Variants in SPOCK3 observed in about 807,000 individuals in gnomAD.
SPOCK3 encodes testican-3.
Under a neutral mutation model 56.6 loss-of-function variants are expected in SPOCK3, and 30 were observed. The observed-to-expected ratio is 0.53, with a 90% CI of 0.40 to 0.72. SPOCK3 has a LOEUF of 0.72. Among genes scored for constraint, SPOCK3 ranks in the 30% least tolerant of loss-of-function variants. SPOCK3 has a pLI of 0.00. For missense variants in SPOCK3, 527 were observed against 530.0 expected (o/e 0.99, Z 0.06); for synonymous variants, 196 against 183.3 (o/e 1.07, Z -0.56).
chr4:166,885,954 T>A (rs1234627510), intron 6 of SPOCK3, among the ~76,000 whole-genome samples: 3 of 152,280 alleles, frequency 2.0e-5, no homozygotes, highest in African/African-American at 7.2e-5. Context: ...TGTGCTTATG[T>A]ACCATTGTTG....
chr4:166,829,851 GATT>G (rs1745854461), intron 6 of SPOCK3, among the ~76,000 whole-genome samples: 1 of 152,006 alleles, frequency 6.6e-6, no homozygotes, highest in Admixed American at 6.6e-5. Flanking sequence ...AAGGCACACA[GATT>G]ATTATTATCA....
chr4:167,072,094 A>C (rs1198243253), intron 2 of SPOCK3, among the ~76,000 whole-genome samples: 1 of 152,042 alleles, frequency 6.6e-6, no homozygotes, highest in East Asian at 1.9e-4. Flanking sequence ...AATATCTGCA[A>C]GAGGTAAGTG....
In SPOCK3 at chr4:167,133,943, C is replaced by T. The variant is rs187580941; in HGVS notation, c.190-71406G>A. On this transcript the variant is annotated intron_variant, in intron 2 of 10. Transcript: ENST00000357545. ...TCAAAATAAGCACAGTCAACTACTA[C>T]AAAAATTAATATGTTGGTGTAGGCA... is the stretch of plus-strand genomic sequence containing the variant. Among the ~76,000 whole-genome samples, 34 of 150,024 alleles carry T rather than the reference C, an allele frequency of 2.3e-4. No homozygotes were observed. In the East Asian group the frequency reaches 3.2e-3, roughly 14 times the overall value.
chr4:166,973,179 G>T (rs374905619), intron 4 of SPOCK3, among the ~76,000 whole-genome samples: 1 of 151,846 alleles, frequency 6.6e-6, no homozygotes, highest in African/African-American at 2.4e-5. Flanking sequence ...TTTCCCCTGC[G>T]CCCCTCCCCA....
intron 6 of SPOCK3, among the ~76,000 whole-genome samples, chr4:166,875,741 G>C (rs1320650052): frequency 5.3e-5 from 8 of 152,204 alleles, no homozygotes; most frequent in Admixed American, 2.0e-4. Flanking sequence ...TTTAGGACCA[G>C]ACAGGACTGG....
At chr4:166,833,928 T>C (rs987760968) in intron 6 of SPOCK3, among the ~76,000 whole-genome samples, 41 of 152,124 alleles carry the variant, frequency 2.7e-4, no homozygotes, top group African/African-American at 9.9e-4. Context: ...TGCTCAAGAG[T>C]GGTCTTGTCT....
intron 6 of SPOCK3, among the ~76,000 whole-genome samples, chr4:166,851,900 A>G (rs1354967227): frequency 6.6e-6 from 1 of 151,944 alleles, no homozygotes; most frequent in Non-Finnish European, 1.5e-5. Flanking sequence ...ACCAACCCAA[A>G]TGTCCAACAA....
At chr4:166,850,642 T>C (rs1348885959) in intron 6 of SPOCK3, among the ~76,000 whole-genome samples, 1 of 152,210 alleles carries the variant, frequency 6.6e-6, no homozygotes, top group Non-Finnish European at 1.5e-5. Flanking sequence ...GGGCGAGGCA[T>C]TGCCTCACTC....
intron 2 of SPOCK3, among the ~76,000 whole-genome samples, chr4:167,185,502 T>G (rs1731865325): frequency 6.6e-6 from 1 of 152,160 alleles, no homozygotes; most frequent in Admixed American, 6.5e-5. Flanking sequence ...TTCTTTTTTC[T>G]TTCTCCACCA....
At chr4:166,958,531 C>T (rs1256333027) in intron 4 of SPOCK3, among the ~76,000 whole-genome samples, 1 of 152,144 alleles carries the variant, frequency 6.6e-6, no homozygotes, top group East Asian at 1.9e-4. Context: ...CAAATCTTGT[C>T]CTTGACCCCT....
intron 6 of SPOCK3, among the ~76,000 whole-genome samples, chr4:166,855,508 G>A (rs552005575): frequency 6.6e-6 from 1 of 151,198 alleles, no homozygotes; most frequent in Admixed American, 6.6e-5. Context: ...TTATTAAATT[G>A]GGTCAGCTAC....
At chr4:167,011,378 C>T (rs559357979) in intron 3 of SPOCK3, 3 of 447,634 alleles carry the variant, frequency 6.7e-6, no homozygotes, top group East Asian at 1.4e-4. Context: ...AAAATACTTT[C>T]CTTTTCTATT....
intron 9 of SPOCK3, among the ~76,000 whole-genome samples, chr4:166,740,219 G>A (rs958217027): frequency 4.6e-5 from 7 of 151,926 alleles, no homozygotes; most frequent in Admixed American, 1.3e-4. Flanking sequence ...TTTCAGACGC[G>A]TACTAATACC....
In SPOCK3 at chr4:166,902,244, T is replaced by C. The variant is rs1736129102; in HGVS notation, c.474+10376A>G. 1.3e-5 allele frequency among the ~76,000 whole-genome samples: 2 copies of C among 152,174 alleles called. 1 individual carries two copies. The highest frequency in any genetic ancestry group is 1.3e-4 in the Admixed American group (2 of 15,250). Reference sequence around the variant, plus strand: ...GCTTTTTGTTGGTATAATGGTACAATATTTTTGGTAGGTAATATGGCTTTT... The same window carrying C: ...GCTTTTTGTTGGTATAATGGTACAACATTTTTGGTAGGTAATATGGCTTTT... On this transcript the variant is annotated intron_variant, in intron 5 of 10. Coordinates refer to ENST00000357545, the MANE Select transcript of SPOCK3 (RefSeq NM_001040159.2).
chr4:166,837,873 T>C (rs1035933277), intron 6 of SPOCK3, among the ~76,000 whole-genome samples: 4 of 152,190 alleles, frequency 2.6e-5, no homozygotes, highest in Non-Finnish European at 4.4e-5. Flanking sequence ...CTACAAATTT[T>C]CTTAGGTTTC....
At position 167,113,512 on chromosome 4, in the gene SPOCK3, T is replaced by C. The variant is rs554285392; in HGVS notation, c.190-50975A>G. Among the ~76,000 whole-genome samples, 6 of 152,076 alleles carry C rather than the reference T, an allele frequency of 3.9e-5. No individual in the cohort carries two copies. The South Asian group carries it at 1.2e-3, about 32-fold the overall frequency. On this transcript the variant is annotated intron_variant, in intron 2 of 10. Coordinates refer to ENST00000357545, the MANE Select transcript of SPOCK3 (RefSeq NM_001040159.2). Reference sequence around the variant, plus strand: ...TTAAAACACCATCTAATTATCAGAATAGGAATAAGAATGGGTTTCAGTCAG... The same window carrying C: ...TTAAAACACCATCTAATTATCAGAACAGGAATAAGAATGGGTTTCAGTCAG...
chr4:167,217,529 G>A lies in SPOCK3; in HGVS notation c.189+16456C>T, dbSNP rs368226837. ...ACATTGTGTTATATAAGGGACTTGA[G>A]GATCCATGGATTTTGGTATCTCTCC... is the stretch of plus-strand genomic sequence containing the variant. On this transcript the variant is annotated intron_variant, in intron 2 of 10. Coordinates refer to ENST00000357545, the MANE Select transcript of SPOCK3 (RefSeq NM_001040159.2). Among the ~76,000 whole-genome samples, 63 of 152,108 alleles carry A rather than the reference G, an allele frequency of 4.1e-4. 2 individuals are homozygous for A. In the East Asian group the frequency reaches 6.9e-3, roughly 17 times the overall value.
At chr4:167,231,584 T>C (rs1456930041) in intron 2 of SPOCK3, among the ~76,000 whole-genome samples, 4 of 152,128 alleles carry the variant, frequency 2.6e-5, no homozygotes, top group African/African-American at 9.7e-5. Context: ...TAATGCCTTA[T>C]CGCCATGTGC....
At chr4:167,191,672 G>GC (rs1554050659) in intron 2 of SPOCK3, among the ~76,000 whole-genome samples, 1 of 143,148 alleles carries the variant, frequency 7.0e-6, no homozygotes, top group Admixed American at 7.2e-5. Context: ...AGTTCTGACA[G>GC]TTTTTTTTTG....
Sources: allele counts gnomAD v4.1 joint callset (sites outside exome capture counted in the v4.1 genomes callset), GRCh38; gene constraint gnomAD v4.1.1; transcripts MANE v1.5; gene names NCBI Gene and HGNC (gene_info 2026-07-23, HGNC 2026-07-21).